PGPEP1L: variants seen among roughly 807,000 people sequenced by gnomAD.
PGPEP1L encodes the protein pyroglutamyl-peptidase I like.
Under a neutral mutation model 6.0 loss-of-function variants are expected in PGPEP1L, and 7 were observed. That is an observed-to-expected ratio of 1.17 (90% CI 0.66 to 2.19). The LOEUF (loss-of-function observed/expected upper bound fraction) is 2.19, where lower values mean the gene tolerates loss of function less well. PGPEP1L is among the 30% of genes most tolerant of loss of function. The pLI is 0.00. For synonymous variants in PGPEP1L, 103 were observed against 83.9 expected, an observed-to-expected ratio of 1.23 and a Z score of -1.24; for missense variants, 209 against 192.5, an observed-to-expected ratio of 1.09 and a Z score of -0.51.
chr15:98,998,900 G>A (rs374901168), intron 2 of PGPEP1L, among the ~76,000 whole-genome samples: 29 of 152,262 alleles, frequency 1.9e-4, no homozygotes, highest in South Asian at 1.5e-3. Flanking sequence ...GCTTGAACCC[G>A]GAAGGCAGAG....
intron 2 of PGPEP1L, among the ~76,000 whole-genome samples, chr15:98,982,005 T>C (rs1312122600): frequency 6.6e-6 from 1 of 152,226 alleles, no homozygotes; most frequent in Non-Finnish European, 1.5e-5. Context: ...CTGGTTTTTC[T>C]GGCTTGTCTT....
chr15:98,984,154 G>A (rs550930719), intron 2 of PGPEP1L, among the ~76,000 whole-genome samples: 37 of 152,002 alleles, frequency 2.4e-4, no homozygotes, highest in Admixed American at 2.0e-3. Flanking sequence ...GGGACTACAG[G>A]CGCCCACCAC....
intron 2 of PGPEP1L, among the ~76,000 whole-genome samples, chr15:98,996,287 G>A (rs1038940055): frequency 2.6e-5 from 4 of 152,188 alleles, no homozygotes; most frequent in Non-Finnish European, 4.4e-5. Context: ...TTTCATTCAA[G>A]AGAAATTGCA....
chr15:99,005,891 T>G (rs1328100183), intron 1 of PGPEP1L, among the ~76,000 whole-genome samples: 3 of 152,206 alleles, frequency 2.0e-5, no homozygotes, highest in Non-Finnish European at 4.4e-5. Context: ...TCCTAGGAAC[T>G]GTGGGCTACC....
chr15:98,979,670 A>G (rs2017629093), intron 2 of PGPEP1L, among the ~76,000 whole-genome samples: 2 of 88,534 alleles, frequency 2.3e-5, no homozygotes, highest in East Asian at 3.6e-4. Flanking sequence ...TTTTTTTTGG[A>G]GACAGAGTCT....
chr15:98,990,426 A>T (rs2017803793), intron 2 of PGPEP1L, among the ~76,000 whole-genome samples: 1 of 152,240 alleles, frequency 6.6e-6, no homozygotes, highest in Non-Finnish European at 1.5e-5. Flanking sequence ...TCTTAAATAC[A>T]TATGCACCCA....
chr15:98,993,263 A>G (rs2017842211), intron 2 of PGPEP1L, among the ~76,000 whole-genome samples: 1 of 152,218 alleles, frequency 6.6e-6, no homozygotes, highest in Non-Finnish European at 1.5e-5. Context: ...CAAGAAAAAA[A>G]CAACCCCATC....
chr15:98,981,221 G>A (rs566620230), intron 2 of PGPEP1L, among the ~76,000 whole-genome samples: 2 of 151,984 alleles, frequency 1.3e-5, no homozygotes, highest in South Asian at 4.2e-4. Context: ...GGCCGGGCGC[G>A]GTGGCTCCCG....
intron 2 of PGPEP1L, among the ~76,000 whole-genome samples, chr15:99,002,003 C>T (rs2078974871): frequency 6.6e-6 from 1 of 152,130 alleles, no homozygotes; most frequent in Non-Finnish European, 1.5e-5. Context: ...AGGCATAAGC[C>T]ATCGCACCTG....
Position 98,979,344 on chromosome 15 carries a change from C to A in PGPEP1L, c.-141-8186G>T, listed in dbSNP as rs80293698. On this transcript the variant is annotated intron_variant, in intron 2 of 4. Transcript: ENST00000535714. ...GCCAAAATTAAAACAAAAAAAAAAC[C>A]AAAAAACACCTGGCTCTTTGCATCA... Among the ~76,000 whole-genome samples, 15 of 3,276 alleles carry A rather than the reference C, an allele frequency of 4.6e-3. 1 individual carries two copies. The East Asian group carries it at 0.07, about 15-fold the overall frequency. 2.1% of individuals were successfully genotyped at this position (3,276 alleles called of 152,430 possible). A position where few individuals can be genotyped will look rare whatever the true frequency, so the allele number is the denominator to read the frequency against.
At chr15:98,985,196 G>A (rs531797187) in intron 2 of PGPEP1L, among the ~76,000 whole-genome samples, 28 of 152,168 alleles carry the variant, frequency 1.8e-4, no homozygotes, top group East Asian at 1.2e-3. Context: ...TCCTCACTTC[G>A]CTCACCCTCA....
At chr15:98,969,791 A>G in intron 3 of PGPEP1L, 140 bp from the exon 4 acceptor site, 1 of 773,470 alleles carries the variant, frequency 1.3e-6, no homozygotes, top group Non-Finnish European at 2.1e-6. Context: ...GGGAAACCCC[A>G]GGATCCCCCA....
At chr15:99,003,539 T>G (rs1270533331) in intron 2 of PGPEP1L, among the ~76,000 whole-genome samples, 1 of 152,154 alleles carries the variant, frequency 6.6e-6, no homozygotes, top group African/African-American at 2.4e-5. Context: ...TCTGAACACT[T>G]TGATCTCGAA....
At chr15:98,991,017 A>T (rs571361760) in intron 2 of PGPEP1L, among the ~76,000 whole-genome samples, 1 of 152,340 alleles carries the variant, frequency 6.6e-6, no homozygotes, top group South Asian at 2.1e-4. Context: ...AGCAGTAAAG[A>T]TCTAAAATCA....
chr15:98,971,458 C>A (rs1001962499), intron 2 of PGPEP1L, among the ~76,000 whole-genome samples: 1 of 151,992 alleles, frequency 6.6e-6, no homozygotes, highest in African/African-American at 2.4e-5. Context: ...AGTACCACTG[C>A]GCTCCAGCCT....
At chr15:98,986,802 G>A (rs1382461268) in intron 2 of PGPEP1L, among the ~76,000 whole-genome samples, 1 of 152,170 alleles carries the variant, frequency 6.6e-6, no homozygotes, top group Non-Finnish European at 1.5e-5. Context: ...GGTGGAAATG[G>A]AAGAGGAAGA....
intron 2 of PGPEP1L, among the ~76,000 whole-genome samples, chr15:98,986,771 T>G (rs1200123991): frequency 6.6e-6 from 1 of 152,120 alleles, no homozygotes; most frequent in Non-Finnish European, 1.5e-5. Flanking sequence ...TGTCAAAATT[T>G]TATGCAGTAC....
In PGPEP1L at chr15:99,000,062, C is replaced by T. The variant is rs141901781; in HGVS notation, c.-142+5367G>A. On this transcript the variant is annotated intron_variant, in intron 2 of 4. Transcript: ENST00000535714. ...GGAGGCGTGGAGGGAGAGGCGCGGG[C>T]GGGAACCGGGGCTGCGTGCAGTGCT... 7.2e-3 allele frequency among the ~76,000 whole-genome samples: 1,103 copies of T among 152,342 alleles called. 14 individuals are homozygous for T. The highest frequency in any genetic ancestry group is 0.024 in the African/African-American group (982 of 41,582).
At chr15:98,989,973 T>G (rs2017797731) in intron 2 of PGPEP1L, among the ~76,000 whole-genome samples, 1 of 152,154 alleles carries the variant, frequency 6.6e-6, no homozygotes, top group Non-Finnish European at 1.5e-5. Flanking sequence ...CAAGAGCTCC[T>G]GAAGGAAGCA....
Sources: allele counts gnomAD v4.1 joint callset (sites outside exome capture counted in the v4.1 genomes callset), GRCh38; gene constraint gnomAD v4.1.1; transcripts MANE v1.5; gene names NCBI Gene and HGNC (gene_info 2026-07-23, HGNC 2026-07-21).